STAT6: variants seen among roughly 807,000 people sequenced by gnomAD.
STAT6 encodes signal transducer and activator of transcription 6.
In STAT6, 45 loss-of-function variants were observed where a neutral mutation model predicts 106.3. That is an observed-to-expected ratio of 0.42 (90% CI 0.33 to 0.54). STAT6 has a LOEUF of 0.54. Ranked by LOEUF, STAT6 falls within the 20% of genes least tolerant of loss-of-function variation. The pLI is 0.06. For missense variants in STAT6, 797 were observed against 1,062.2 expected (o/e 0.75, Z 3.47); for synonymous variants, 413 against 413.6 (o/e 1.00, Z 0.02).
At chr12:57,103,145 ACCACCTAAT>A (rs2034058149) in intron 11 of STAT6, 1 of 432,026 alleles carries the variant, frequency 2.3e-6, no homozygotes, top group Admixed American at 4.1e-5. Flanking sequence ...ACAGAAATGT[ACCACCTAAT>A]CCAGCTAATT....
At position 57,104,786 on chromosome 12, in the gene STAT6, G is replaced by A; in HGVS notation, c.1029C>T (p.Asn343=). The change falls in exon 10 of 22, where the codon AAC becomes AAT. Residue 343 remains asparagine (N), a synonymous_variant. Coordinates refer to ENST00000300134, the MANE Select transcript of STAT6 (RefSeq NM_003153.5). ...GAESTGEIIN[N]TVPLENSIPG... ...GAATGCTGTTCTCCAAGGGCACAGT[G>A]TTGTTGATGATTTCTCCAGTGCTTT... The A allele has an allele frequency of 6.2e-7, 1 of 1,614,190 alleles. No individual in the cohort carries two copies. Among genetic ancestry groups the A allele is most frequent in the Non-Finnish European group, 8.5e-7 (1 of 1,180,038 alleles).
Position 57,096,972 on chromosome 12 carries a change from C to T in STAT6, c.2232G>A (p.Leu744=). 1 of 1,613,070 alleles carries T rather than the reference C, an allele frequency of 6.2e-7. No individual in the cohort carries two copies. The highest frequency in any genetic ancestry group is 8.5e-7 in the Non-Finnish European group (1 of 1,179,466). ...LPFDQPHPQG[L]LPCQPQEHAV... ...CATGCTCCTGAGGCTGGCACGGCAG[C>T]AGGCCCCTGCCAGGAACCAGCAATG... The change falls in exon 21 of 22, where the codon CTG becomes CTA. Residue 744 remains leucine (L), a synonymous_variant. Transcript: ENST00000300134.
chr12:57,108,321 A>T, intron 1 of STAT6, 22 bp from the exon 2 acceptor site: 1 of 1,307,468 alleles, frequency 7.6e-7, no homozygotes, highest in Non-Finnish European at 1.1e-6. Flanking sequence ...AAATAAGGCC[A>T]CTCTGAGGGG....
intron 3 of STAT6, 125 bp downstream of exon 3, chr12:57,107,480 C>T (rs1021898414): frequency 7.3e-6 from 10 of 1,375,764 alleles, no homozygotes; most frequent in Non-Finnish European, 1.0e-5. Flanking sequence ...TGCCTGCTAG[C>T]TAGCAGTTAA....
Position 57,095,834 on chromosome 12 carries a change from A to T in STAT6, c.*738T>A, listed in dbSNP as rs1198693043. ...GCAAAAGCAGATAGACACATGTTCT[A>T]TGTGGTCATGCAACTAAGGTGCCAG... On this transcript the variant is annotated 3_prime_UTR_variant, in exon 22 of 22. Transcript: ENST00000300134. The T allele has an allele frequency of 6.6e-6, 1 of 152,258 alleles. No individual in the cohort carries two copies. Among genetic ancestry groups the T allele is most frequent in the Non-Finnish European group, 1.5e-5 (1 of 68,044 alleles). The allele number at this position is 152,258 out of a possible 1,614,324, so 9.4% of individuals were successfully genotyped here.
At chr12:57,100,158 G>T in intron 13 of STAT6, 68 bp from the exon 14 acceptor site, 1 of 1,339,790 alleles carries the variant, frequency 7.5e-7, no homozygotes, top group Non-Finnish European at 1.0e-6. Context: ...AGGGCAGGCA[G>T]TGAGCTGTGA....
Position 57,105,448 on chromosome 12 carries a change from TG to T in STAT6, c.812+19del. 2 of 1,613,852 alleles carry T rather than the reference TG, an allele frequency of 1.2e-6. No individual in the cohort carries two copies. Among genetic ancestry groups the T allele is most frequent in the Non-Finnish European group, 1.7e-6 (2 of 1,179,872 alleles). Reference sequence around the variant, plus strand: ...TCCCGAGGTCTGTTCTAGGCCAGACTGGGAGCTCCCGGGGAATACCTGGTGA... The same window carrying T: ...TCCCGAGGTCTGTTCTAGGCCAGACTGGAGCTCCCGGGGAATACCTGGTGA... On this transcript the variant is annotated intron_variant, in intron 8 of 21. Transcript: ENST00000300134.
Position 57,095,577 on chromosome 12 carries a change from A to T in STAT6, c.*995T>A, listed in dbSNP as rs888101986. ...AAGATGCAGCAGGCAGGGCCCTCTC[A>T]TACACTGGAGGGCCACATGGCCAGG... On this transcript the variant is annotated 3_prime_UTR_variant, in exon 22 of 22. Coordinates refer to ENST00000300134, the MANE Select transcript of STAT6 (RefSeq NM_003153.5). 3.3e-5 allele frequency: 5 copies of T among 152,424 alleles called. No individual in the cohort carries two copies. The highest frequency in any genetic ancestry group is 1.2e-4 in the African/African-American group (5 of 41,430). 9.4% of individuals were successfully genotyped at this position (152,424 alleles called of 1,614,324 possible). A position where few individuals can be genotyped will look rare whatever the true frequency, so the allele number is the denominator to read the frequency against.
chr12:57,096,224 C>A lies in STAT6; in HGVS notation c.*348G>T. 4.2e-6 allele frequency: 1 copy of A among 239,628 alleles called. No homozygotes were observed. Among genetic ancestry groups the A allele is most frequent in the Non-Finnish European group, 8.0e-6 (1 of 124,884 alleles). The allele number at this position is 239,628 out of a possible 1,614,324, so 14.8% of individuals were successfully genotyped here. On this transcript the variant is annotated 3_prime_UTR_variant, in exon 22 of 22. Coordinates refer to ENST00000300134, the MANE Select transcript of STAT6 (RefSeq NM_003153.5). ...TCCATGCCCTAACCTGTGCTCTTAC[C>A]CAGCCCCCCTCCTGCTCAGCCCCAT... is the stretch of plus-strand genomic sequence containing the variant.
rs781731375 is a variant in STAT6, at chr12:57,102,454, T to C, written c.1348A>G (p.Lys450Glu). Residue 450 changes from lysine to glutamate, a missense_variant, in exon 13 of 22, where the codon AAG becomes GAG. Transcript: ENST00000300134. ...FVVAERVPWE[K>E]MCETLNLKFM... ...TTCAGGTTCAGAGTTTCACACATCT[T>C]CTCCCAGGGCACCCGCTCAGCCACC... The C allele has an allele frequency of 6.2e-7, 1 of 1,613,590 alleles. No individual in the cohort carries two copies.
At position 57,096,422 on chromosome 12, in the gene STAT6, C is replaced by T. The variant is rs1003587259; in HGVS notation, c.*150G>A. On this transcript the variant is annotated 3_prime_UTR_variant, in exon 22 of 22. Coordinates refer to ENST00000300134, the MANE Select transcript of STAT6 (RefSeq NM_003153.5). The stretch of plus-strand genomic sequence containing the variant: ...TTGGCTCCACCCACTGTGCATTCTC[C>T]TGTTAGTCTTTTCCTCCTGACCCAG... 9.9e-6 allele frequency: 7 copies of T among 709,926 alleles called. No homozygotes were observed. Among genetic ancestry groups the T allele is most frequent in the African/African-American group, 9.0e-5 (5 of 55,296 alleles). The allele number at this position is 709,926 out of a possible 1,614,324, so 44.0% of individuals were successfully genotyped here.
At position 57,096,904 on chromosome 12, in the gene STAT6, A is replaced by G. The variant is rs180715438; in HGVS notation, c.2300T>C (p.Met767Thr). The change falls in exon 21 of 22, where the codon ATG becomes ACG. Residue 767 changes from methionine (M) to threonine (T), a missense_variant. By Grantham distance (81) the Met-to-Thr change is moderately conservative. This residue lies in a region of STAT6 where 226 missense variants were observed against 236.7 expected (regional missense o/e 0.95). Coordinates refer to ENST00000300134, the MANE Select transcript of STAT6 (RefSeq NM_003153.5). Reference protein sequence around the residue: ...PDPLLCSDVTMVEDSCLSQPV... With the variant: ...PDPLLCSDVTTVEDSCLSQPV... ...CTGGCTCAGGCAGCTGTCTTCCACC[A>G]TGGTCACATCTGAGCAGAGCAGGGG... The G allele has an allele frequency of 1.9e-6, 3 of 1,614,136 alleles. No individual in the cohort carries two copies. The highest frequency in any genetic ancestry group is 1.7e-5 in the Admixed American group (1 of 60,030).
chr12:57,105,333 G>A lies in STAT6; in HGVS notation c.819C>T (p.Phe273=), dbSNP rs1428736114. ...CCTGGGGGGGCTGCTTCTCCACCAGGAAGCAACTGGGAGTGAGGAGGACAC... is the reference window on the plus strand; with the variant it reads ...CCTGGGGGGGCTGCTTCTCCACCAGAAAGCAACTGGGAGTGAGGAGGACAC... ...EVLRTLVTSC[F]LVEKQPPQVL... is the part of the protein sequence containing the mutation. Residue 273 remains phenylalanine (F), a synonymous_variant, in exon 9 of 22, where the codon TTC becomes TTT. Coordinates refer to ENST00000300134, the MANE Select transcript of STAT6 (RefSeq NM_003153.5). 6.2e-7 allele frequency: 1 copy of A among 1,613,872 alleles called. No individual in the cohort carries two copies. Among genetic ancestry groups the A allele is most frequent in the Non-Finnish European group, 8.5e-7 (1 of 1,179,904 alleles).
At position 57,102,515 on chromosome 12, in the gene STAT6, A is replaced by G; in HGVS notation, c.1306-19T>C. On this transcript the variant is annotated intron_variant, in intron 12 of 21. Coordinates refer to ENST00000300134, the MANE Select transcript of STAT6 (RefSeq NM_003153.5). Reference sequence around the variant, plus strand: ...CGCGGTCCTGGGGAGAAGGGGGAAGAAGAGAGCACTGCAGGCTACCGTCTT... The same window carrying G: ...CGCGGTCCTGGGGAGAAGGGGGAAGGAGAGAGCACTGCAGGCTACCGTCTT... 6.2e-7 allele frequency: 1 copy of G among 1,612,042 alleles called. No homozygotes were observed. The highest frequency in any genetic ancestry group is 8.5e-7 in the Non-Finnish European group (1 of 1,179,604).
chr12:57,105,174 C>A lies in STAT6; in HGVS notation c.978G>T (p.Val326=), dbSNP rs201896319. The A allele has an allele frequency of 1.4e-4, 224 of 1,613,186 alleles. No individual in the cohort carries two copies. The highest frequency in any genetic ancestry group is 1.5e-4 in the Non-Finnish European group (179 of 1,179,644). Residue 326 remains valine (V), a synonymous_variant, in exon 9 of 22, where the codon GTG becomes GTT. Transcript: ENST00000300134. ...VTEKQARELS[V]PQGPGAGAES... ...ACGCTCCAGCCCCAGGACCCTGAGGCACACTCAGCTCCCGCGCCTGCTTCT... is the reference window on the plus strand; with the variant it reads ...ACGCTCCAGCCCCAGGACCCTGAGGAACACTCAGCTCCCGCGCCTGCTTCT...
chr12:57,098,501 T>C lies in STAT6; in HGVS notation c.2159+4A>G, dbSNP rs1276213551. 3.1e-6 allele frequency: 5 copies of C among 1,613,860 alleles called. No individual in the cohort carries two copies. Among genetic ancestry groups the C allele is most frequent in the African/African-American group, 2.7e-5 (2 of 74,892 alleles). ...ATGGTATCCCCATGAGGTTTTTCAC[T>C]TACTCCTGGAAGGCTGACAACACGT... On this transcript the variant is annotated splice_donor_region_variant and intron_variant, in intron 19 of 21. Coordinates refer to ENST00000300134, the MANE Select transcript of STAT6 (RefSeq NM_003153.5).
chr12:57,104,810 T>C lies in STAT6; in HGVS notation c.1005A>G (p.Glu335=), dbSNP rs2034171051. 2 of 1,614,130 alleles carry C rather than the reference T, an allele frequency of 1.2e-6. No individual in the cohort carries two copies. Among genetic ancestry groups the C allele is most frequent in the Non-Finnish European group, 1.7e-6 (2 of 1,180,016 alleles). ...TGTTGTTGATGATTTCTCCAGTGCT[T>C]TCTCTGCCAGGGGAGGTCAGAGTGT... ...SVPQGPGAGA[E]STGEIINNTV... The change falls in exon 10 of 22, where the codon GAA becomes GAG. Residue 335 remains glutamate (E), a synonymous_variant. Transcript: ENST00000300134.
intron 13 of STAT6, chr12:57,100,964 C>A: frequency 2.2e-6 from 1 of 446,146 alleles, no homozygotes; most frequent in Non-Finnish European, 4.5e-6. Flanking sequence ...AGTGAGATAA[C>A]ATACATAAGG....
At chr12:57,096,829 C>G in intron 21 of STAT6, 21 bp downstream of exon 21, 1 of 1,613,972 alleles carries the variant, frequency 6.2e-7, no homozygotes, top group Non-Finnish European at 8.5e-7. Flanking sequence ...ACCCAGCCTC[C>G]ACTCCCAAGC....
Sources: allele counts gnomAD v4.1 joint callset, GRCh38; gene constraint gnomAD v4.1.1; regional missense constraint gnomAD v4.1.1; transcripts MANE v1.5; gene names NCBI Gene and HGNC (gene_info 2026-07-23, HGNC 2026-07-21).